CCDC167: variants seen among roughly 807,000 people sequenced by gnomAD.
The protein encoded by CCDC167 is coiled-coil domain containing 167, also known as coiled-coil domain-containing protein 167.
In CCDC167, 15 loss-of-function variants were observed where a neutral mutation model predicts 12.7. The observed-to-expected ratio is 1.18, with a 90% CI of 0.79 to 1.81. The LOEUF (loss-of-function observed/expected upper bound fraction) is 1.81, where lower values mean the gene tolerates loss of function less well. CCDC167 is among the 40% of genes most tolerant of loss of function. The probability of loss-of-function intolerance (pLI) is 0.00; values close to 1 mark genes in which losing one functional copy is unlikely to be tolerated. For missense variants in CCDC167, 121 were observed against 120.1 expected (o/e 1.01, Z -0.03); for synonymous variants, 52 against 49.0 (o/e 1.06, Z -0.26).
intron 1 of CCDC167, among the ~76,000 whole-genome samples, chr6:37,491,890 A>G (rs1228769988): frequency 6.6e-6 from 1 of 152,214 alleles, no homozygotes; most frequent in Non-Finnish European, 1.5e-5. Context: ...AGGGTCACAC[A>G]GGCATTAAGT....
intron 1 of CCDC167, among the ~76,000 whole-genome samples, chr6:37,496,182 C>T (rs980917981): frequency 6.6e-6 from 1 of 152,116 alleles, no homozygotes; most frequent in Non-Finnish European, 1.5e-5. Context: ...GCCTGTAATC[C>T]CAGCACTTTG....
At chr6:37,490,488 C>T (rs1031706093) in intron 1 of CCDC167, among the ~76,000 whole-genome samples, 3 of 152,114 alleles carry the variant, frequency 2.0e-5, no homozygotes, top group Non-Finnish European at 2.9e-5. Flanking sequence ...CCCAACAAGT[C>T]CGTTCTTTTA....
chr6:37,494,859 G>A (rs1762078217), intron 1 of CCDC167, among the ~76,000 whole-genome samples: 1 of 141,260 alleles, frequency 7.1e-6, no homozygotes, highest in East Asian at 2.0e-4. Flanking sequence ...GAGTGCAGTG[G>A]CACGATCTTG....
chr6:37,485,726 T>C (rs1053415735), intron 1 of CCDC167, among the ~76,000 whole-genome samples: 2 of 152,232 alleles, frequency 1.3e-5, no homozygotes, highest in Non-Finnish European at 2.9e-5. Context: ...TACTTCATCT[T>C]AATAACTTAG....
intron 1 of CCDC167, among the ~76,000 whole-genome samples, chr6:37,489,262 A>C (rs987686110): frequency 6.7e-6 from 1 of 150,242 alleles, no homozygotes; most frequent in Admixed American, 6.6e-5. Flanking sequence ...ACAAAAAAAA[A>C]CAGCAGGGGT....
rs767621265 is a variant in CCDC167, at chr6:37,499,815, C to T, written c.42+7G>A. 1.1e-4 allele frequency: 179 copies of T among 1,613,982 alleles called. No individual in the cohort carries two copies. Among genetic ancestry groups the T allele is most frequent in the Non-Finnish European group, 1.4e-4 (162 of 1,179,960 alleles). On this transcript the variant is annotated splice_region_variant and intron_variant, in intron 1 of 3. Coordinates refer to ENST00000373408, the MANE Select transcript of CCDC167 (RefSeq NM_138493.3). ...CGAGGTGGCCCAACCCCCACTTTTC[C>T]CCTCACCTCTAGAGCGACGCCCAGA...
intron 1 of CCDC167, among the ~76,000 whole-genome samples, chr6:37,495,647 C>T (rs1250801462): frequency 2.0e-5 from 3 of 152,146 alleles, no homozygotes; most frequent in Non-Finnish European, 4.4e-5. Flanking sequence ...CTAGAGGGTG[C>T]CCTGGTTGTC....
chr6:37,489,833 G>C (rs1489312328), intron 1 of CCDC167, among the ~76,000 whole-genome samples: 4 of 152,236 alleles, frequency 2.6e-5, no homozygotes, highest in Non-Finnish European at 5.9e-5. Context: ...TGGCTCAGGG[G>C]CCAGGACTTG....
At chr6:37,492,557 C>T (rs1257292659) in intron 1 of CCDC167, among the ~76,000 whole-genome samples, 1 of 152,228 alleles carries the variant, frequency 6.6e-6, no homozygotes, top group Non-Finnish European at 1.5e-5. Flanking sequence ...TCACACAAAA[C>T]AGATCCAGTT....
chr6:37,487,585 G>A (rs7769183), intron 1 of CCDC167, among the ~76,000 whole-genome samples: 1,560 of 152,310 alleles, frequency 0.01, 25 homozygotes, highest in African/African-American at 0.035. Context: ...CTTGGTTTGC[G>A]TGTCATTCTG....
intron 1 of CCDC167, 36 bp from the exon 2 acceptor site, chr6:37,485,230 G>A: frequency 6.6e-7 from 1 of 1,518,198 alleles, no homozygotes; most frequent in African/African-American, 1.4e-5. Context: ...GGCTGCCGAG[G>A]CTTCTAGCTC....
Position 37,495,248 on chromosome 6 carries a change from C to T in CCDC167, c.42+4574G>A, listed in dbSNP as rs77503213. ...CAACCAAGTTATCCACTTTAGGATA[C>T]CGGCTAAGACACCACACATCTGTTA... On this transcript the variant is annotated intron_variant, in intron 1 of 3. Coordinates refer to ENST00000373408, the MANE Select transcript of CCDC167 (RefSeq NM_138493.3). Among the ~76,000 whole-genome samples, 1,219 of 152,304 alleles carry T rather than the reference C, an allele frequency of 8.0e-3. 6 individuals are homozygous for T. Among genetic ancestry groups the T allele is most frequent in the Middle Eastern group, 0.041 (12 of 294 alleles).
At chr6:37,498,540 G>A (rs1762126059) in intron 1 of CCDC167, among the ~76,000 whole-genome samples, 1 of 150,978 alleles carries the variant, frequency 6.6e-6, no homozygotes, top group Non-Finnish European at 1.5e-5. Context: ...TGCAGATTCT[G>A]GCCGGCTGTG....
chr6:37,486,390 C>T (rs909995899), intron 1 of CCDC167, among the ~76,000 whole-genome samples: 1 of 152,226 alleles, frequency 6.6e-6, no homozygotes, highest in African/African-American at 2.4e-5. Context: ...AGATCCCTGC[C>T]TCCCACAATG....
At chr6:37,487,177 G>A (rs1027706901) in intron 1 of CCDC167, among the ~76,000 whole-genome samples, 2 of 152,164 alleles carry the variant, frequency 1.3e-5, no homozygotes, top group Non-Finnish European at 2.9e-5. Flanking sequence ...CTGGCAGCCC[G>A]TAGGTCAGGT....
At chr6:37,491,784 T>A (rs2113907809) in intron 1 of CCDC167, among the ~76,000 whole-genome samples, 1 of 152,316 alleles carries the variant, frequency 6.6e-6, no homozygotes, top group South Asian at 2.1e-4. Context: ...TTACACCGAT[T>A]AACTCACATA....
rs545736324 is a variant in CCDC167, at chr6:37,495,286, C to G, written c.42+4536G>C. ...CACACATCTGTTAACTCAAGACCAA[C>G]TGGTCACTGAAACATCTAAAGACAC... On this transcript the variant is annotated intron_variant, in intron 1 of 3. Transcript: ENST00000373408. 2.0e-5 allele frequency among the ~76,000 whole-genome samples: 3 copies of G among 152,342 alleles called. No individual in the cohort carries two copies. In the South Asian group the frequency reaches 6.2e-4, roughly 32 times the overall value.
intron 1 of CCDC167, among the ~76,000 whole-genome samples, chr6:37,495,834 T>C (rs1395477037): frequency 1.3e-5 from 2 of 152,230 alleles, no homozygotes; most frequent in African/African-American, 2.4e-5. Flanking sequence ...CACCACTTCA[T>C]TGGCTCTGAG....
intron 1 of CCDC167, among the ~76,000 whole-genome samples, chr6:37,491,065 T>C (rs1273820124): frequency 2.0e-5 from 3 of 152,010 alleles, no homozygotes; most frequent in Non-Finnish European, 4.4e-5. Flanking sequence ...TTTTCAGGAG[T>C]GTAGGCCCTC....
Sources: allele counts gnomAD v4.1 joint callset (sites outside exome capture counted in the v4.1 genomes callset), GRCh38; gene constraint gnomAD v4.1.1; transcripts MANE v1.5; gene names NCBI Gene and HGNC (gene_info 2026-07-23, HGNC 2026-07-21).